Variants in TENM2 observed in about 807,000 individuals in gnomAD.
TENM2 encodes the protein teneurin transmembrane protein 2.
In TENM2, 52 loss-of-function variants were observed where a neutral mutation model predicts 245.2. That is an observed-to-expected ratio of 0.21 (90% CI 0.17 to 0.27). The LOEUF (loss-of-function observed/expected upper bound fraction) is 0.27. Ranked by LOEUF, TENM2 falls within the 10% of genes least tolerant of loss-of-function variation. The pLI is 1.00. For missense variants in TENM2, 3,046 were observed against 3,666.8 expected (o/e 0.83, Z 4.37); for synonymous variants, 1,363 against 1,438.9 (o/e 0.95, Z 1.19).
the TENM2 span, among the ~76,000 whole-genome samples, chr5:167,101,857 A>ATATATATATATATATATT: frequency 3.2e-5 from 4 of 124,760 alleles, no homozygotes; most frequent in African/African-American, 1.2e-4. Flanking sequence ...ATTTATATAT[A>ATATATATATATATATATT]TATATATATA....
the TENM2 span, among the ~76,000 whole-genome samples, chr5:167,054,714 T>C: frequency 6.6e-6 from 1 of 152,148 alleles, no homozygotes; most frequent in Non-Finnish European, 1.5e-5. Flanking sequence ...GTGTCTTAAA[T>C]TTTGCCATTC....
the TENM2 span, among the ~76,000 whole-genome samples, chr5:167,023,446 T>C: frequency 1.3e-5 from 2 of 152,076 alleles, no homozygotes; most frequent in African/African-American, 4.8e-5. Context: ...CATCAGAGGG[T>C]TAGTTGAAAA....
intron 3 of TENM2, among the ~76,000 whole-genome samples, chr5:167,877,386 A>G (rs1773515941): frequency 6.6e-6 from 1 of 152,210 alleles, no homozygotes; most frequent in South Asian, 2.1e-4. Context: ...TAGTAAACTC[A>G]TATTCTTTTT....
At chr5:167,926,717 A>AT (rs1777790094) in intron 3 of TENM2, among the ~76,000 whole-genome samples, 1 of 114,586 alleles carries the variant, frequency 8.7e-6, no homozygotes, top group Admixed American at 8.9e-5. Context: ...GTGAGATTCC[A>AT]CCACACACAC....
At chr5:167,353,602 G>C (rs1340188282) in intron 1 of TENM2, among the ~76,000 whole-genome samples, 2 of 140,128 alleles carry the variant, frequency 1.4e-5, no homozygotes, top group East Asian at 4.8e-4. Context: ...CCGCCTCCCG[G>C]GTTCACGCCA....
chr5:167,496,350 G>T (rs954643153), intron 2 of TENM2, among the ~76,000 whole-genome samples: 3 of 151,990 alleles, frequency 2.0e-5, no homozygotes, highest in Non-Finnish European at 4.4e-5. Flanking sequence ...TTTTTAAAAT[G>T]ACACTGAGAG....
chr5:168,153,082 G>A (rs760149811), intron 12 of TENM2, among the ~76,000 whole-genome samples: 2 of 152,126 alleles, frequency 1.3e-5, no homozygotes, highest in African/African-American at 4.8e-5. Flanking sequence ...AATGCTCTAG[G>A]GTGGGAATTA....
chr5:168,138,733 T>C (rs1284159270), intron 12 of TENM2, among the ~76,000 whole-genome samples: 1 of 152,220 alleles, frequency 6.6e-6, no homozygotes, highest in Non-Finnish European at 1.5e-5. Context: ...GCCACACACA[T>C]CATCCATGGT....
intron 12 of TENM2, among the ~76,000 whole-genome samples, chr5:168,161,173 C>G (rs1236721126): frequency 2.0e-5 from 3 of 152,196 alleles, no homozygotes; most frequent in East Asian, 1.9e-4. Flanking sequence ...TTTTGATCCA[C>G]AAGATTTGGG....
the TENM2 span, among the ~76,000 whole-genome samples, chr5:167,226,730 C>T: frequency 6.6e-6 from 1 of 151,974 alleles, no homozygotes; most frequent in Non-Finnish European, 1.5e-5. Context: ...TCCAATGTTT[C>T]TCTGTTAATT....
rs376655805 is a variant in TENM2 at position 167,740,649 on chromosome 5, C to T, written c.503-135337C>T. ...TACCTGTGCAAACACAAATGGGGTA[C>T]GGCCAAGAATAAGAATAACACTTTA... On this transcript the variant is annotated intron_variant, in intron 2 of 28. Transcript: ENST00000518659. Among the ~76,000 whole-genome samples, 10 of 152,108 alleles carry T rather than the reference C, an allele frequency of 6.6e-5. No homozygotes were observed. The East Asian group carries it at 1.3e-3, about 21-fold the overall frequency.
At chr5:167,762,056 C>G (rs1054844193) in intron 2 of TENM2, among the ~76,000 whole-genome samples, 1 of 152,186 alleles carries the variant, frequency 6.6e-6, no homozygotes, top group African/African-American at 2.4e-5. Context: ...GGTTGAGAAA[C>G]ACATAGTTCT....
At chr5:166,985,459 A>G in the TENM2 span, among the ~76,000 whole-genome samples, 11 of 152,148 alleles carry the variant, frequency 7.2e-5, no homozygotes, top group African/African-American at 2.7e-4. Context: ...GCTTCTCTAT[A>G]TTTTAATCCT....
chr5:167,375,367 G>C (rs1361948015), exon 2 of TENM2: 1 of 1,551,658 alleles, frequency 6.4e-7, no homozygotes, highest in Non-Finnish European at 8.7e-7. Flanking sequence ...TCAGACTGTG[G>C]GGCAGAGGGA....
At chr5:168,135,497 A>G (rs1281218189) in intron 12 of TENM2, among the ~76,000 whole-genome samples, 1 of 152,140 alleles carries the variant, frequency 6.6e-6, no homozygotes, top group East Asian at 1.9e-4. Flanking sequence ...TTGCTTCTTT[A>G]TCCTTTTCAC....
chr5:168,055,740 C>T (rs1789484471), intron 6 of TENM2, among the ~76,000 whole-genome samples: 1 of 152,102 alleles, frequency 6.6e-6, no homozygotes, highest in South Asian at 2.1e-4. Flanking sequence ...ACAGACAGGA[C>T]AGAAGGACGT....
the TENM2 span, among the ~76,000 whole-genome samples, chr5:167,186,623 C>T: frequency 4.6e-5 from 7 of 152,098 alleles, no homozygotes; most frequent in Non-Finnish European, 7.4e-5. Context: ...TGCCAGTCAC[C>T]GTAAAAAAGC....
chr5:167,657,963 G>T (rs966419411), intron 2 of TENM2, among the ~76,000 whole-genome samples: 1 of 152,290 alleles, frequency 6.6e-6, no homozygotes, highest in Non-Finnish European at 1.5e-5. Flanking sequence ...AACTTTCTGG[G>T]TTTGAAGTCT....
intron 2 of TENM2, among the ~76,000 whole-genome samples, chr5:167,872,085 G>A (rs1335198964): frequency 6.6e-6 from 1 of 151,896 alleles, no homozygotes. Context: ...TTGAGCTCAG[G>A]AGTTCGAGAC....
Sources: allele counts gnomAD v4.1 joint callset (sites outside exome capture counted in the v4.1 genomes callset), GRCh38; gene constraint gnomAD v4.1.1; transcripts MANE v1.5; gene names NCBI Gene and HGNC (gene_info 2026-07-23, HGNC 2026-07-21).